Variants in SYN3 observed in about 807,000 individuals in gnomAD.
SYN3 encodes synapsin III, also known as synapsin-3.
Under a neutral mutation model 65.8 loss-of-function variants are expected in SYN3, and 35 were observed. The ratio of observed to expected loss-of-function variants is 0.53; its 90% confidence interval spans 0.41 to 0.70. SYN3 has a LOEUF of 0.70. Among genes scored for constraint, SYN3 ranks in the 30% least tolerant of loss-of-function variants. SYN3 has a pLI of 0.00. For missense variants in SYN3, 680 were observed against 749.0 expected, an observed-to-expected ratio of 0.91 and a Z score of 1.08; for synonymous variants, 270 against 292.9, an observed-to-expected ratio of 0.92 and a Z score of 0.80.
rs189143308 is a variant in SYN3 at position 32,859,416 on chromosome 22, G to A, written c.711+5499C>T. 49 of 1,586,850 alleles carry A rather than the reference G, an allele frequency of 3.1e-5. No individual in the cohort carries two copies. In the East Asian group the frequency reaches 4.1e-4, roughly 13 times the overall value. Reference sequence around the variant, plus strand: ...CCCCACCTCACTTCCCTCCCTTCCCGCTGAGCTTCCCTTGGACACTAACTC... The same window carrying A: ...CCCCACCTCACTTCCCTCCCTTCCCACTGAGCTTCCCTTGGACACTAACTC... On this transcript the variant is annotated intron_variant, in intron 6 of 13. Transcript: ENST00000358763.
intron 6 of SYN3, among the ~76,000 whole-genome samples, chr22:32,606,937 C>A (rs992755282): frequency 6.6e-6 from 1 of 151,680 alleles, no homozygotes; most frequent in Admixed American, 6.6e-5. Context: ...TATACATGTG[C>A]CATGTTGGTG....
At chr22:32,965,542 ACGTG>A (rs1182103203) in intron 3 of SYN3, among the ~76,000 whole-genome samples, 1 of 86,066 alleles carries the variant, frequency 1.2e-5, no homozygotes, top group Non-Finnish European at 2.6e-5. Context: ...TATGGTGCGT[ACGTG>A]TGTGTGTGTG....
rs1337366847 is a variant in SYN3 at position 32,864,779 on chromosome 22, TGTGACTCCGCCTTAGA to T, written c.711+120_711+135del. 6.4e-6 allele frequency: 5 copies of T among 777,824 alleles called. No homozygotes were observed. The Admixed American group carries it at 1.1e-4, about 17-fold the overall frequency. The allele number at this position is 777,824 out of a possible 1,614,324, so 48.2% of individuals were successfully genotyped here. ...AAATCCAGGCACTCCCACAGGACAC[TGTGACTCCGCCTTAGA>T]GTCTGCGTGGTCAGTGTACAACCCC... On this transcript the variant is annotated intron_variant, in intron 6 of 13. Coordinates refer to ENST00000358763, the MANE Select transcript of SYN3 (RefSeq NM_003490.4).
chr22:32,773,287 G>A (rs1335530346), intron 6 of SYN3, among the ~76,000 whole-genome samples: 1 of 151,862 alleles, frequency 6.6e-6, no homozygotes, highest in East Asian at 1.9e-4. Flanking sequence ...TGAGCCTGTA[G>A]TCCCAACTAC....
intron 6 of SYN3, among the ~76,000 whole-genome samples, chr22:32,672,531 A>G (rs1306017802): frequency 3.3e-5 from 5 of 152,170 alleles, no homozygotes; most frequent in East Asian, 1.9e-4. Flanking sequence ...TGTGCTTCCA[A>G]TGTTCCTGCT....
chr22:32,706,446 A>G (rs2060881991), intron 6 of SYN3, among the ~76,000 whole-genome samples: 1 of 152,238 alleles, frequency 6.6e-6, no homozygotes, highest in African/African-American at 2.4e-5. Flanking sequence ...CTAAAATTAG[A>G]ATTCTGCACG....
chr22:32,539,861 A>G (rs2058225672), intron 8 of SYN3, among the ~76,000 whole-genome samples: 1 of 151,090 alleles, frequency 6.6e-6, no homozygotes, highest in African/African-American at 2.4e-5. Flanking sequence ...GAGGAGGGAA[A>G]TGATATCATG....
At chr22:32,830,766 C>G (rs962016171) in intron 6 of SYN3, among the ~76,000 whole-genome samples, 1 of 152,100 alleles carries the variant, frequency 6.6e-6, no homozygotes, top group Non-Finnish European at 1.5e-5. Flanking sequence ...TCACATGGAC[C>G]GTGAGTGTAT....
At chr22:32,592,445 C>T (rs534862761) in intron 7 of SYN3, among the ~76,000 whole-genome samples, 14 of 152,308 alleles carry the variant, frequency 9.2e-5, no homozygotes, top group Middle Eastern at 3.4e-3. Flanking sequence ...CAGAGTTTCA[C>T]CATATTTTGA....
intron 1 of SYN3, among the ~76,000 whole-genome samples, chr22:33,050,062 TA>T (rs2054136950): frequency 6.6e-6 from 1 of 152,090 alleles, no homozygotes. Context: ...AAAAAAGTTA[TA>T]AAAATACAAC....
chr22:33,035,414 A>C (rs1444247066), intron 1 of SYN3, among the ~76,000 whole-genome samples: 1 of 137,594 alleles, frequency 7.3e-6, no homozygotes, highest in Non-Finnish European at 1.5e-5. Flanking sequence ...CCCTCTTCCA[A>C]ATGAATAGCT....
chr22:32,836,191 G>T (rs187791714), intron 6 of SYN3, among the ~76,000 whole-genome samples: 1 of 152,210 alleles, frequency 6.6e-6, no homozygotes, highest in Admixed American at 6.5e-5. Flanking sequence ...AGAGTAAGAT[G>T]TACTGTTTGT....
chr22:32,594,733 C>T (rs1455194234), intron 7 of SYN3, among the ~76,000 whole-genome samples: 3 of 152,132 alleles, frequency 2.0e-5, no homozygotes, highest in Non-Finnish European at 4.4e-5. Flanking sequence ...GGTGATCCAC[C>T]CTCTTTGGCC....
rs1169816365 is a variant in SYN3, at chr22:32,814,272, GGA to G, written c.711+50641_711+50642del. ...AGGAAAGAAAGAAAGAGGGAGGGAG[GGA>G]GAGAGGGAGAGAGGGAAGGAAGGAA... On this transcript the variant is annotated intron_variant, in intron 6 of 13. Transcript: ENST00000358763. Among the ~76,000 whole-genome samples, 58 of 36,762 alleles carry G rather than the reference GGA, an allele frequency of 1.6e-3. 1 individual carries two copies. The South Asian group carries it at 0.029, about 18-fold the overall frequency. The allele number at this position is 36,762 out of a possible 152,430, so 24.1% of individuals were successfully genotyped here. A position where few individuals can be genotyped will look rare whatever the true frequency, so the allele number is the denominator to read the frequency against.
At chr22:32,550,653 A>C (rs1397784413) in intron 7 of SYN3, among the ~76,000 whole-genome samples, 1 of 151,956 alleles carries the variant, frequency 6.6e-6, no homozygotes, top group Non-Finnish European at 1.5e-5. Context: ...TCTCTTAAAA[A>C]CATATATGCA....
intron 6 of SYN3, among the ~76,000 whole-genome samples, chr22:32,611,052 G>C (rs5998557): frequency 0.38 from 57,827 of 152,018 alleles, 11,892 homozygotes; most frequent in African/African-American, 0.54. Context: ...GAATGTCTAG[G>C]AAATCTCAAG....
At chr22:32,958,020 A>G (rs1445353430) in intron 3 of SYN3, among the ~76,000 whole-genome samples, 4 of 152,194 alleles carry the variant, frequency 2.6e-5, no homozygotes. Context: ...ATCAAGAAGC[A>G]AAGGCAATGA....
chr22:32,611,709 A>G (rs777320595), intron 6 of SYN3, among the ~76,000 whole-genome samples: 5 of 152,206 alleles, frequency 3.3e-5, no homozygotes, highest in African/African-American at 4.8e-5. Flanking sequence ...AAGAATGTTC[A>G]GGATGCTGTG....
At chr22:32,818,792 T>A (rs895433391) in intron 6 of SYN3, among the ~76,000 whole-genome samples, 1 of 152,136 alleles carries the variant, frequency 6.6e-6, no homozygotes, top group Non-Finnish European at 1.5e-5. Flanking sequence ...GAAGGGGAAG[T>A]GACTGGCAAG....
Sources: allele counts gnomAD v4.1 joint callset (sites outside exome capture counted in the v4.1 genomes callset), GRCh38; gene constraint gnomAD v4.1.1; transcripts MANE v1.5; gene names NCBI Gene and HGNC (gene_info 2026-07-23, HGNC 2026-07-21).